Variants in IL7 observed in about 807,000 individuals in gnomAD.
IL7 encodes the protein interleukin 7, also known as interleukin-7.
In IL7, 3 loss-of-function variants were observed where a neutral mutation model predicts 21.6. That is an observed-to-expected ratio of 0.14 (90% CI 0.06 to 0.36). IL7 has a LOEUF of 0.36. Ranked by LOEUF, IL7 falls within the 10% of genes least tolerant of loss-of-function variation. The probability of loss-of-function intolerance (pLI) is 1.00; values close to 1 mark genes in which losing one functional copy is unlikely to be tolerated. For synonymous variants in IL7, 62 were observed against 68.1 expected, an observed-to-expected ratio of 0.91 and a Z score of 0.44; for missense variants, 175 against 200.2, an observed-to-expected ratio of 0.87 and a Z score of 0.76.
At chr8:78,690,852 G>A (rs1211998411) in intron 3 of IL7, among the ~76,000 whole-genome samples, 1 of 152,106 alleles carries the variant, frequency 6.6e-6, no homozygotes, top group Non-Finnish European at 1.5e-5. Context: ...GGATGATCTT[G>A]TAAATGGAAT....
chr8:78,762,271 A>G, intron 2 of IL7: 3 of 1,581,148 alleles, frequency 1.9e-6, no homozygotes, highest in Non-Finnish European at 2.6e-6. Context: ...GATAATGTTT[A>G]TTTAGCTGAT....
chr8:78,689,189 C>A, intron 3 of IL7: 1 of 1,407,890 alleles, frequency 7.1e-7, no homozygotes, highest in Non-Finnish European at 9.4e-7. Context: ...AAGTACTATG[C>A]TATTAATCTG....
downstream of IL7, chr8:78,717,430 TAAATACCC>T: frequency 6.2e-7 from 1 of 1,611,728 alleles, no homozygotes; most frequent in Non-Finnish European, 8.5e-7. Flanking sequence ...AGTGTGGGAC[TAAATACCC>T]TGTAGAATGG....
chr8:78,677,842 A>G (rs1016789448), intron 4 of IL7, among the ~76,000 whole-genome samples: 43 of 152,204 alleles, frequency 2.8e-4, no homozygotes, highest in Admixed American at 6.5e-5. Flanking sequence ...AAAGTAAAGG[A>G]ATGAAAGAAC....
chr8:78,724,706 T>C (rs114405819), intron 3 of IL7, among the ~76,000 whole-genome samples: 207 of 152,208 alleles, frequency 1.4e-3, no homozygotes, highest in African/African-American at 4.6e-3. Flanking sequence ...AAACGCCATT[T>C]GAATAAGCAA....
chr8:78,706,570 C>T (rs1046789588), intron 3 of IL7, among the ~76,000 whole-genome samples: 2 of 152,118 alleles, frequency 1.3e-5, no homozygotes, highest in Admixed American at 6.6e-5. Context: ...TCACCTTGCT[C>T]TGTGTCGCTC....
chr8:78,708,716 T>A (rs1810862827), intron 3 of IL7, among the ~76,000 whole-genome samples: 1 of 151,138 alleles, frequency 6.6e-6, no homozygotes, highest in African/African-American at 2.4e-5. Flanking sequence ...GTTTTGCTCT[T>A]GTTGCCCAGG....
intron 4 of IL7, chr8:78,676,110 CA>C: frequency 3.5e-6 from 1 of 286,998 alleles, no homozygotes; most frequent in Non-Finnish European, 6.3e-6. Context: ...AGACTCTTAC[CA>C]AAAACAAACA....
intron 2 of IL7, among the ~76,000 whole-genome samples, chr8:78,759,621 A>C (rs1812479533): frequency 6.6e-6 from 1 of 152,012 alleles, no homozygotes; most frequent in South Asian, 2.1e-4. Context: ...AGTTTGAGAA[A>C]GACAAAATCT....
At chr8:78,788,085 G>A (rs970481108) in intron 2 of IL7, among the ~76,000 whole-genome samples, 3 of 152,078 alleles carry the variant, frequency 2.0e-5, no homozygotes, top group African/African-American at 7.2e-5. Context: ...AATATCCATG[G>A]AATCAGTAGT....
At chr8:78,783,053 G>C (rs1387270071) in intron 2 of IL7, among the ~76,000 whole-genome samples, 1 of 152,148 alleles carries the variant, frequency 6.6e-6, no homozygotes, top group African/African-American at 2.4e-5. Context: ...GGAAAAGGCA[G>C]ACTGGAGCTG....
chr8:78,736,418 A>C (rs1428838969), intron 5 of IL7, 56 bp downstream of exon 5: 1 of 1,042,292 alleles, frequency 9.6e-7, no homozygotes, highest in East Asian at 2.5e-5. Context: ...AAAATTAGGA[A>C]TTAAGTTGAG....
chr8:78,773,676 A>G (rs1182399067), intron 2 of IL7, among the ~76,000 whole-genome samples: 3 of 152,128 alleles, frequency 2.0e-5, no homozygotes, highest in South Asian at 2.1e-4. Flanking sequence ...AGTGAGTGGT[A>G]ACCTAAGGAA....
chr8:78,787,202 T>C (rs560843199), intron 2 of IL7, among the ~76,000 whole-genome samples: 2 of 152,324 alleles, frequency 1.3e-5, no homozygotes, highest in South Asian at 4.2e-4. Flanking sequence ...ATCCCCATTG[T>C]ACAGCCAGTT....
chr8:78,714,165 A>G (rs1336801228), downstream of IL7, among the ~76,000 whole-genome samples: 1 of 152,180 alleles, frequency 6.6e-6, no homozygotes, highest in Non-Finnish European at 1.5e-5. Context: ...GGAGGGAACT[A>G]TGCTTCAATG....
At chr8:78,804,851 G>T in intron 1 of IL7, 62 bp downstream of exon 1, 1 of 1,604,556 alleles carries the variant, frequency 6.2e-7, no homozygotes, top group Non-Finnish European at 8.5e-7. Context: ...CCCCCAGCGC[G>T]TCTGGGATTG....
downstream of IL7, among the ~76,000 whole-genome samples, chr8:78,716,026 C>T (rs530981385): frequency 5.4e-5 from 7 of 128,880 alleles, no homozygotes; most frequent in East Asian, 2.2e-4. Flanking sequence ...AGTGACAGAG[C>T]GAGACTCCAT....
At chr8:78,735,276 C>CTTTTTTTTTTTTTTTTTGTT in intron 5 of IL7, among the ~76,000 whole-genome samples, 6 of 78,424 alleles carry the variant, frequency 7.7e-5, no homozygotes, top group South Asian at 5.3e-4. Context: ...CTTTTCTTTT[C>CTTTTTTTTTTTTTTTTTGTT]TTTTTTTTTT....
intron 2 of IL7, among the ~76,000 whole-genome samples, chr8:78,775,488 T>C (rs1813102571): frequency 6.6e-6 from 1 of 152,124 alleles, no homozygotes; most frequent in Admixed American, 6.6e-5. Flanking sequence ...CTGTGTGCAT[T>C]TCTGACATTG....
Sources: allele counts gnomAD v4.1 joint callset (sites outside exome capture counted in the v4.1 genomes callset), GRCh38; gene constraint gnomAD v4.1.1; transcripts MANE v1.5; gene names NCBI Gene and HGNC (gene_info 2026-07-23, HGNC 2026-07-21).